KANSL3: variants seen among roughly 807,000 people sequenced by gnomAD.
KANSL3 encodes the protein KAT8 regulatory NSL complex subunit 3, also known as NSL complex protein NSL3.
Under a neutral mutation model 89.2 loss-of-function variants are expected in KANSL3, and 16 were observed. The observed-to-expected ratio is 0.18, with a 90% CI of 0.12 to 0.27. The LOEUF (loss-of-function observed/expected upper bound fraction) is 0.27. KANSL3 is among the 10% of genes least tolerant of loss of function. KANSL3 has a pLI of 1.00. For synonymous variants in KANSL3, 385 were observed against 419.7 expected, an observed-to-expected ratio of 0.92 and a Z score of 1.01; for missense variants, 879 against 1,110.6, an observed-to-expected ratio of 0.79 and a Z score of 2.96.
rs1211971915 is a variant in KANSL3, at chr2:96,619,476, C to A, written c.546G>T (p.Leu182=). Residue 182 remains leucine, a synonymous_variant, in exon 5 of 21, where the codon CTG becomes CTT. Coordinates refer to ENST00000431828, the MANE Select transcript of KANSL3 (RefSeq NM_001115016.3). ...DKCARRVRQA[L]ASVSWDTKLI... The stretch of plus-strand genomic sequence containing the variant: ...GCTTGGTATCCCAGCTCACACTTGC[C>A]AGAGCCTGCCGCACTCTCCTTGCAC... The A allele has an allele frequency of 1.9e-6, 3 of 1,614,040 alleles. No individual in the cohort carries two copies. The highest frequency in any genetic ancestry group is 2.5e-6 in the Non-Finnish European group (3 of 1,179,904).
chr2:96,592,187 T>C (rs186408717), downstream of KANSL3, among the ~76,000 whole-genome samples: 125 of 152,214 alleles, frequency 8.2e-4, no homozygotes, highest in Middle Eastern at 6.8e-3. Flanking sequence ...GGTAACACGA[T>C]GTGCCCAGGT....
intron 5 of KANSL3, 49 bp from the exon 6 acceptor site, chr2:96,613,668 T>G: frequency 6.3e-7 from 1 of 1,577,050 alleles, no homozygotes; most frequent in East Asian, 2.3e-5. Context: ...GCAGGAGACC[T>G]TCCACCACCA....
At chr2:96,581,673 TATAG>T in the KANSL3 span, among the ~76,000 whole-genome samples, 1 of 152,224 alleles carries the variant, frequency 6.6e-6, no homozygotes, top group Non-Finnish European at 1.5e-5. Flanking sequence ...CAACAAACTT[TATAG>T]ATACTTAACC....
chr2:96,623,683 T>A (rs1205667717), intron 3 of KANSL3, among the ~76,000 whole-genome samples: 1 of 152,182 alleles, frequency 6.6e-6, no homozygotes, highest in Non-Finnish European at 1.5e-5. Context: ...AAGGGTTCTA[T>A]CCCACCCTCT....
At chr2:96,589,324 TATAATGAC>T (rs1329361195), downstream of KANSL3, among the ~76,000 whole-genome samples, 1 of 152,158 alleles carries the variant, frequency 6.6e-6, no homozygotes, top group Non-Finnish European at 1.5e-5. Flanking sequence ...TCACTTGAAA[TATAATGAC>T]ATAGGTAGGG....
chr2:96,627,999 A>T, intron 3 of KANSL3: 2 of 1,290,156 alleles, frequency 1.6e-6, no homozygotes, highest in Non-Finnish European at 1.0e-6. Context: ...AAAACAAATA[A>T]TCTGATAAAT....
At chr2:96,606,713 C>T (rs2068036666) in intron 14 of KANSL3, 1 of 265,956 alleles carries the variant, frequency 3.8e-6, no homozygotes, top group Non-Finnish European at 7.4e-6. Flanking sequence ...GCAGCAGAGC[C>T]AAGACCGTAG....
chr2:96,631,868 G>GA lies in KANSL3; in HGVS notation c.216-387dup, dbSNP rs557133599. ...TCAAGACCAGCCTGGGCAACATGAGGAAACCCTGTCTCTACCAAAAATACA... is the reference window on the plus strand; with the variant it reads ...TCAAGACCAGCCTGGGCAACATGAGGAAAACCCTGTCTCTACCAAAAATACA... On this transcript the variant is annotated intron_variant, in intron 2 of 20. Transcript: ENST00000431828. Among the ~76,000 whole-genome samples the GA allele has an allele frequency of 3.8e-4, 57 of 151,996 alleles. No homozygotes were observed. The South Asian group carries it at 0.012, about 31-fold the overall frequency.
chr2:96,631,186 G>A (rs1293057224), intron 3 of KANSL3, 126 bp downstream of exon 3: 2 of 704,218 alleles, frequency 2.8e-6, no homozygotes, highest in Non-Finnish European at 2.4e-6. Flanking sequence ...GTTATAATGT[G>A]AGACTTTGGA....
chr2:96,609,425 A>G (rs2068519812), intron 12 of KANSL3, 74 bp downstream of exon 12: 2 of 1,370,242 alleles, frequency 1.5e-6, no homozygotes, highest in Non-Finnish European at 1.0e-6. Context: ...AGAGACCACT[A>G]CCAATAAGAC....
downstream of KANSL3, among the ~76,000 whole-genome samples, chr2:96,591,776 G>A (rs1388959114): frequency 6.6e-6 from 1 of 152,156 alleles, no homozygotes; most frequent in Non-Finnish European, 1.5e-5. Flanking sequence ...CATCCATAAA[G>A]GGTTCTGCAG....
chr2:96,609,407 A>T, intron 12 of KANSL3, 92 bp downstream of exon 12: 1 of 1,148,092 alleles, frequency 8.7e-7, no homozygotes, highest in Non-Finnish European at 1.3e-6. Context: ...TGGAGGCCTT[A>T]GAGCCAAAGA....
intron 5 of KANSL3, among the ~76,000 whole-genome samples, chr2:96,615,887 A>G (rs1282737805): frequency 6.6e-6 from 1 of 152,228 alleles, no homozygotes; most frequent in African/African-American, 2.4e-5. Flanking sequence ...GGAATAGGGA[A>G]AGACCGATAA....
intron 5 of KANSL3, chr2:96,615,352 A>C: frequency 4.2e-6 from 1 of 239,180 alleles, no homozygotes; most frequent in African/African-American, 2.3e-5. Flanking sequence ...TGTACTAAAT[A>C]AATCTGTTAT....
At chr2:96,588,818 T>G (rs1436872867), downstream of KANSL3, among the ~76,000 whole-genome samples, 1 of 152,200 alleles carries the variant, frequency 6.6e-6, no homozygotes, top group Non-Finnish European at 1.5e-5. Flanking sequence ...AGTCTTGAAC[T>G]CCTGACCTCA....
At chr2:96,598,789 A>G (rs2104899753) in intron 20 of KANSL3, among the ~76,000 whole-genome samples, 1 of 151,958 alleles carries the variant, frequency 6.6e-6, no homozygotes, top group East Asian at 1.9e-4. Context: ...ATGAGCCTAT[A>G]GTCCCAGCTA....
At chr2:96,611,903 A>ATATGTG (rs376030964) in intron 9 of KANSL3, among the ~76,000 whole-genome samples, 52 of 113,326 alleles carry the variant, frequency 4.6e-4, no homozygotes, top group South Asian at 3.5e-3. Context: ...ATATACCCAT[A>ATATGTG]TGTGTGTGTG....
intron 14 of KANSL3, 121 bp from the exon 15 acceptor site, chr2:96,605,632 C>G: frequency 1.3e-6 from 1 of 779,602 alleles, no homozygotes; most frequent in South Asian, 1.7e-5. Context: ...AACCACTCTA[C>G]GTACAGGGCC....
Position 96,604,824 on chromosome 2 carries a change from G to T in KANSL3, c.1973C>A (p.Ala658Asp). Reference sequence around the variant, plus strand: ...TGTGAGCTCCTTGGCCCCTGCTGAAGCCTGCCCCAGTGTCATGGTGATGGG... The same window carrying T: ...TGTGAGCTCCTTGGCCCCTGCTGAATCCTGCCCCAGTGTCATGGTGATGGG... ...GKPITMTLGQ[A>D]SAGAKELTGL... Residue 658 changes from alanine (A) to aspartate (D), a missense_variant, in exon 16 of 21, where the codon GCT (alanine) becomes GAT (aspartate). Physicochemically the swap from Ala to Asp is moderately radical, Grantham distance 126. This residue lies in a region of KANSL3 where 317 missense variants were observed against 311.2 expected (regional missense o/e 1.02). Coordinates refer to ENST00000431828, the MANE Select transcript of KANSL3 (RefSeq NM_001115016.3). 6.2e-7 allele frequency: 1 copy of T among 1,600,358 alleles called. No individual in the cohort carries two copies. The highest frequency in any genetic ancestry group is 8.5e-7 in the Non-Finnish European group (1 of 1,173,574).
Sources: gnomAD v4.1 joint callset for allele counts (sites outside exome capture counted in the v4.1 genomes callset) on GRCh38, gnomAD v4.1.1 for gene constraint, gnomAD v4.1.1 regional missense constraint, MANE v1.5 for transcripts, NCBI Gene and HGNC (gene_info 2026-07-23, HGNC 2026-07-21) for gene names.